The following SLC25A20 variants were observed in gnomAD, a reference collection of about 807,000 sequenced individuals.
The protein encoded by SLC25A20 is mitochondrial carnitine/acylcarnitine carrier protein.
In SLC25A20, 29 loss-of-function variants were observed where a neutral mutation model predicts 39.7. The ratio of observed to expected loss-of-function variants is 0.73; its 90% CI spans 0.54 to 1.00. SLC25A20 has a LOEUF of 1.00. Among genes scored for constraint, SLC25A20 ranks in the 50% least tolerant of loss-of-function variants. The pLI is 0.00. For missense variants in SLC25A20, 333 were observed against 379.9 expected (o/e 0.88, Z 1.03); for synonymous variants, 103 against 142.2 (o/e 0.72, Z 1.96).
At position 48,898,831 on chromosome 3, in the gene SLC25A20, G is replaced by A. The variant is rs988351619; in HGVS notation, c.-37C>T. The A allele has an allele frequency of 4.2e-5, 64 of 1,539,696 alleles. No homozygotes were observed. Among genetic ancestry groups the A allele is most frequent in the Middle Eastern group, 1.7e-4 (1 of 5,908 alleles). ...CTGTCACTCCGTCTGTCAGTTCTCG[G>A]GCCGTCCTGGCTTCTCAGCCCCAGC... On this transcript the variant is annotated 5_prime_UTR_variant, in exon 1 of 9. Coordinates refer to ENST00000319017, the MANE Select transcript of SLC25A20 (RefSeq NM_000387.6).
chr3:48,891,930 C>T (rs778597728), intron 2 of SLC25A20, 50 bp downstream of exon 2: 1 of 1,423,420 alleles, frequency 7.0e-7, no homozygotes, highest in South Asian at 1.1e-5. Context: ...AACAAATCAA[C>T]CCCGTGAATG....
chr3:48,883,618 C>CTTTT (rs761695690), intron 3 of SLC25A20, among the ~76,000 whole-genome samples: 9 of 97,346 alleles, frequency 9.2e-5, no homozygotes, highest in Non-Finnish European at 1.3e-4. Flanking sequence ...CACCAAGGTC[C>CTTTT]TTTTTTTTTT....
At chr3:48,858,772 G>A (rs913250630) in intron 7 of SLC25A20, 141 bp from the exon 8 acceptor site, 5 of 1,004,430 alleles carry the variant, frequency 5.0e-6, no homozygotes, top group Non-Finnish European at 7.7e-6. Context: ...TTCACCTTGG[G>A]ACAAATGCAC....
At chr3:48,865,134 A>AT (rs398105855) in intron 4 of SLC25A20, among the ~76,000 whole-genome samples, 100,022 of 148,508 alleles carry the variant, frequency 0.67, 34,007 homozygotes, top group East Asian at 0.96. Context: ...TGGAGATATA[A>AT]TTTTTTTTTT....
intron 2 of SLC25A20, among the ~76,000 whole-genome samples, chr3:48,889,402 T>C (rs2083856967): frequency 6.6e-6 from 1 of 151,004 alleles, no homozygotes; most frequent in Admixed American, 6.6e-5. Context: ...AATATATATA[T>C]ATAATAATAA....
intron 2 of SLC25A20, among the ~76,000 whole-genome samples, chr3:48,885,175 T>G (rs145467440): frequency 0.015 from 2,349 of 151,796 alleles, 57 homozygotes; most frequent in African/African-American, 0.052. Flanking sequence ...GGAGGCTGAG[T>G]TGGGAGAATA....
chr3:48,882,277 A>T (rs2083800840), intron 3 of SLC25A20, among the ~76,000 whole-genome samples: 1 of 152,244 alleles, frequency 6.6e-6, no homozygotes, highest in South Asian at 2.1e-4. Context: ...CCAACTTCTT[A>T]AAGTTTATTA....
intron 4 of SLC25A20, among the ~76,000 whole-genome samples, chr3:48,869,678 C>T (rs1299234355): frequency 2.0e-5 from 3 of 151,742 alleles, no homozygotes; most frequent in Non-Finnish European, 4.4e-5. Flanking sequence ...TTAGCCAGGC[C>T]GGGTGACACC....
intron 4 of SLC25A20, among the ~76,000 whole-genome samples, chr3:48,867,411 A>ATTTTTTTTTTTTTTTTTTTTTTTTTT (rs58122933): frequency 2.8e-5 from 3 of 108,388 alleles, no homozygotes; most frequent in Admixed American, 1.2e-4. Flanking sequence ...TGCCTGGGTA[A>ATTTTTTTTTTTTTTTTTTTTTTTTTT]TTTTTTTTTT....
At chr3:48,887,360 C>T (rs1251841932) in intron 2 of SLC25A20, among the ~76,000 whole-genome samples, 1 of 152,178 alleles carries the variant, frequency 6.6e-6, no homozygotes, top group Non-Finnish European at 1.5e-5. Context: ...CAAATATGGA[C>T]TAAGGAAGCC....
At chr3:48,883,853 A>C in intron 3 of SLC25A20, 144 bp downstream of exon 3, 1 of 917,950 alleles carries the variant, frequency 1.1e-6, no homozygotes, top group South Asian at 1.4e-5. Context: ...CGACCTCCTG[A>C]CCTCAGGTGA....
chr3:48,881,466 T>C (rs2083795276), intron 3 of SLC25A20, among the ~76,000 whole-genome samples: 1 of 152,096 alleles, frequency 6.6e-6, no homozygotes, highest in South Asian at 2.1e-4. Context: ...TGGCCTATTC[T>C]CCCACTCCCC....
chr3:48,877,697 C>G (rs541058816), intron 4 of SLC25A20, among the ~76,000 whole-genome samples: 2 of 151,774 alleles, frequency 1.3e-5, no homozygotes, highest in South Asian at 4.2e-4. Flanking sequence ...CCACTGCATT[C>G]CAGCCTGGCA....
At chr3:48,884,167 C>A in intron 2 of SLC25A20, 43 bp from the exon 3 acceptor site, 1 of 1,611,046 alleles carries the variant, frequency 6.2e-7, no homozygotes, top group South Asian at 1.1e-5. Context: ...CAGACACCAC[C>A]ACCTTTTAAA....
At chr3:48,878,310 A>G (rs892719829) in intron 4 of SLC25A20, among the ~76,000 whole-genome samples, 4 of 147,302 alleles carry the variant, frequency 2.7e-5, no homozygotes, top group Non-Finnish European at 6.0e-5. Context: ...GTATATATAT[A>G]AATTGTTTTG....
chr3:48,887,641 C>T (rs893775199), intron 2 of SLC25A20, among the ~76,000 whole-genome samples: 8 of 152,202 alleles, frequency 5.3e-5, no homozygotes, highest in East Asian at 1.9e-4. Context: ...CCATGGCTCA[C>T]GCCTGTAATT....
intron 5 of SLC25A20, among the ~76,000 whole-genome samples, chr3:48,861,491 C>T (rs1335641745): frequency 6.6e-6 from 1 of 152,168 alleles, no homozygotes; most frequent in African/African-American, 2.4e-5. Flanking sequence ...CTTTGGGAGA[C>T]CAAGGCAGGT....
At chr3:48,858,444 G>A in intron 8 of SLC25A20, 63 bp downstream of exon 8, 1 of 1,611,660 alleles carries the variant, frequency 6.2e-7, no homozygotes, top group Non-Finnish European at 8.5e-7. Context: ...ACAAGCAAAA[G>A]TCAAACCACA....
At chr3:48,870,943 A>G (rs1172649720) in intron 4 of SLC25A20, among the ~76,000 whole-genome samples, 4 of 150,810 alleles carry the variant, frequency 2.7e-5, no homozygotes, top group Non-Finnish European at 4.4e-5. Flanking sequence ...CTTGTGCCTC[A>G]GCCACCAGAG....
Sources: allele counts gnomAD v4.1 joint callset (sites outside exome capture counted in the v4.1 genomes callset), GRCh38; gene constraint gnomAD v4.1.1; transcripts MANE v1.5; gene names NCBI Gene and HGNC (gene_info 2026-07-23, HGNC 2026-07-21).